Variants in NDUFA5 observed in about 807,000 individuals in gnomAD.
The protein encoded by NDUFA5 is NADH dehydrogenase [ubiquinone] 1 alpha subcomplex subunit 5.
A neutral mutation model predicts 19.8 loss-of-function variants in NDUFA5; 11 were observed. The observed-to-expected ratio is 0.56, with a 90% CI of 0.35 to 0.92. NDUFA5 has a LOEUF of 0.92. NDUFA5 is among the 40% of genes least tolerant of loss of function. The probability of loss-of-function intolerance (pLI) is 0.01; values close to 1 mark genes in which losing one functional copy is unlikely to be tolerated. For synonymous variants in NDUFA5, 47 were observed against 46.8 expected (o/e 1.00, Z -0.01); for missense variants, 109 against 134.2 (o/e 0.81, Z 0.93).
chr7:123,545,351 G>A (rs1325629641), intron 4 of NDUFA5, among the ~76,000 whole-genome samples: 4 of 151,944 alleles, frequency 2.6e-5, no homozygotes, highest in Admixed American at 2.6e-4. Flanking sequence ...CTAAGGTTAG[G>A]CCAAGGAGAA....
the NDUFA5 span, among the ~76,000 whole-genome samples, chr7:123,599,706 T>A: frequency 6.6e-6 from 1 of 152,226 alleles, no homozygotes; most frequent in African/African-American, 2.4e-5. Context: ...CTAAGACTCT[T>A]CATCTTTCAT....
the NDUFA5 span, among the ~76,000 whole-genome samples, chr7:123,576,229 CT>C: frequency 0.23 from 34,795 of 150,784 alleles, 4,116 homozygotes; most frequent in East Asian, 0.4. Context: ...TTATTTTCTT[CT>C]TTTCTGAGTT....
chr7:123,557,652 C>T, intron 1 of NDUFA5, 123 bp downstream of exon 1: 2 of 1,613,852 alleles, frequency 1.2e-6, no homozygotes, highest in Non-Finnish European at 1.7e-6. Flanking sequence ...GCATGCAGAA[C>T]GAGTCCCCGA....
chr7:123,578,231 T>C, the NDUFA5 span, among the ~76,000 whole-genome samples: 2 of 150,794 alleles, frequency 1.3e-5, no homozygotes, highest in South Asian at 2.1e-4. Context: ...ACAAGCTACC[T>C]GCTGATATTT....
intron 2 of NDUFA5, 100 bp from the exon 3 acceptor site, chr7:123,550,686 T>C: frequency 2.4e-6 from 1 of 416,786 alleles, no homozygotes; most frequent in Non-Finnish European, 4.1e-6. Context: ...CTCACATCTG[T>C]TTTTTTTTTT....
intron 4 of NDUFA5, among the ~76,000 whole-genome samples, chr7:123,544,951 GGT>G (rs1187705811): frequency 2.0e-5 from 3 of 151,712 alleles, no homozygotes; most frequent in African/African-American, 7.3e-5. Context: ...ACTAAACTGC[GGT>G]GTTTGTTCTC....
At chr7:123,583,572 A>G in the NDUFA5 span, among the ~76,000 whole-genome samples, 20 of 152,114 alleles carry the variant, frequency 1.3e-4, no homozygotes, top group African/African-American at 4.3e-4. Flanking sequence ...ACTAGTATAA[A>G]CTTTTAAAAA....
At chr7:123,598,054 C>T in the NDUFA5 span, among the ~76,000 whole-genome samples, 2 of 151,444 alleles carry the variant, frequency 1.3e-5, no homozygotes, top group African/African-American at 4.9e-5. Flanking sequence ...GGGACTAGAA[C>T]CACATGTCCC....
chr7:123,543,876 T>C (rs1798029053), intron 4 of NDUFA5, among the ~76,000 whole-genome samples: 1 of 152,158 alleles, frequency 6.6e-6, no homozygotes, highest in Non-Finnish European at 1.5e-5. Flanking sequence ...AACAGGCCTT[T>C]GAATAACTGA....
chr7:123,585,541 T>A, the NDUFA5 span, among the ~76,000 whole-genome samples: 2 of 151,842 alleles, frequency 1.3e-5, no homozygotes, highest in African/African-American at 4.8e-5. Flanking sequence ...ATATACATAA[T>A]GCTGCAATGT....
chr7:123,546,512 A>C (rs1270821160), intron 3 of NDUFA5: 1 of 389,504 alleles, frequency 2.6e-6, no homozygotes, highest in East Asian at 8.0e-5. Context: ...TAGAACATTC[A>C]ATGACATTTA....
intron 3 of NDUFA5, among the ~76,000 whole-genome samples, chr7:123,547,204 C>T (rs1231637775): frequency 3.9e-5 from 6 of 152,064 alleles, no homozygotes; most frequent in African/African-American, 1.4e-4. Context: ...TTCTGGCCTC[C>T]AGAAGTCTAA....
At chr7:123,555,899 G>A (rs915941123) in intron 2 of NDUFA5, 4 of 152,170 alleles carry the variant, frequency 2.6e-5, no homozygotes, top group African/African-American at 9.7e-5. Context: ...TATTTTAACA[G>A]ACTAACTCTA....
chr7:123,572,173 C>T, the NDUFA5 span, among the ~76,000 whole-genome samples: 1,692 of 110,898 alleles, frequency 0.015, 41 homozygotes, highest in African/African-American at 0.054. Context: ...GACAGAGTCT[C>T]ACTCTGTCAC....
chr7:123,562,218 T>G (rs1798698716), upstream of NDUFA5, among the ~76,000 whole-genome samples: 1 of 152,104 alleles, frequency 6.6e-6, no homozygotes, highest in Admixed American at 6.6e-5. Flanking sequence ...AGCCCAGACT[T>G]TGTTGTTCCA....
the NDUFA5 span, among the ~76,000 whole-genome samples, chr7:123,597,936 G>A: frequency 1.3e-5 from 2 of 151,530 alleles, no homozygotes; most frequent in East Asian, 1.9e-4. Context: ...GTGTGTGTGT[G>A]TGTGTGTGTG....
At chr7:123,560,697 G>A (rs559384518), upstream of NDUFA5, among the ~76,000 whole-genome samples, 40 of 152,278 alleles carry the variant, frequency 2.6e-4, no homozygotes, top group Admixed American at 1.6e-3. Flanking sequence ...CTTTTCGTGT[G>A]TGCTTGGGGT....
the NDUFA5 span, among the ~76,000 whole-genome samples, chr7:123,597,637 G>A: frequency 1.3e-5 from 2 of 151,992 alleles, no homozygotes; most frequent in African/African-American, 4.8e-5. Context: ...TTCGAGACCA[G>A]CTTGGCCAAC....
the NDUFA5 span, among the ~76,000 whole-genome samples, chr7:123,576,071 T>C: frequency 1.3e-5 from 2 of 151,336 alleles, no homozygotes; most frequent in African/African-American, 4.8e-5. Context: ...AATATACATA[T>C]AAATATATAG....
Sources: gnomAD v4.1 joint callset for allele counts (sites outside exome capture counted in the v4.1 genomes callset) on GRCh38, gnomAD v4.1.1 for gene constraint, MANE v1.5 for transcripts, NCBI Gene and HGNC (gene_info 2026-07-23, HGNC 2026-07-21) for gene names.